Variants in B4GALT4 observed in about 807,000 individuals in gnomAD.
B4GALT4 encodes beta-1,4-galactosyltransferase 4, also known as N-acetyllactosamine synthase.
In B4GALT4, 27 loss-of-function variants were observed where a neutral mutation model predicts 37.3. The ratio of observed to expected loss-of-function variants is 0.72; its 90% CI spans 0.53 to 1.00. B4GALT4 has a LOEUF of 1.00. B4GALT4 is among the 50% of genes least tolerant of loss of function. The pLI is 0.00. For synonymous variants in B4GALT4, 148 were observed against 154.1 expected, an observed-to-expected ratio of 0.96 and a Z score of 0.29; for missense variants, 372 against 413.1, an observed-to-expected ratio of 0.90 and a Z score of 0.86.
chr3:119,218,563 G>T, intron 6 of B4GALT4, 87 bp downstream of exon 6: 1 of 1,561,158 alleles, frequency 6.4e-7, no homozygotes. Context: ...TGCTGGACTG[G>T]CATCTAAAGG....
chr3:119,220,975 G>A (rs2078433814), intron 5 of B4GALT4, among the ~76,000 whole-genome samples: 1 of 147,342 alleles, frequency 6.8e-6, no homozygotes, highest in Non-Finnish European at 1.5e-5. Flanking sequence ...AACAGAGTGA[G>A]ACTCTGTCTC....
In B4GALT4 at chr3:119,226,951, G is replaced by A; in HGVS notation, c.344C>T (p.Pro115Leu). The stretch of plus-strand genomic sequence containing the variant: ...CCTCTGTAAAGCTTTACATTCCTGA[G>A]GGCGATACCGGCCTCTGGACACTTT... The part of the protein sequence containing the change: ...NPKVSRGRYR[P>L]QECKALQRVA... Residue 115 changes from proline to leucine, a missense_variant, in exon 4 of 8, where the codon CCT becomes CTT. Physicochemically the swap from Pro to Leu is moderately conservative, Grantham distance 98. Coordinates refer to ENST00000393765, the MANE Select transcript of B4GALT4 (RefSeq NM_003778.4). The A allele has an allele frequency of 6.2e-7, 1 of 1,614,162 alleles. No individual in the cohort carries two copies. The highest frequency in any genetic ancestry group is 8.5e-7 in the Non-Finnish European group (1 of 1,180,032).
intron 3 of B4GALT4, among the ~76,000 whole-genome samples, chr3:119,229,177 G>C (rs909715757): frequency 2.6e-5 from 4 of 152,198 alleles, no homozygotes; most frequent in Admixed American, 6.5e-5. Context: ...GAATGTGCTT[G>C]CATTTCTCCT....
chr3:119,237,182 T>A (rs1161915870), intron 1 of B4GALT4, 112 bp from the exon 2 acceptor site: 1 of 152,224 alleles, frequency 6.6e-6, no homozygotes, highest in East Asian at 1.9e-4. Context: ...ATTGTGTACT[T>A]ATATGTGACT....
At chr3:119,222,412 G>C (rs2078475697) in intron 5 of B4GALT4, among the ~76,000 whole-genome samples, 1 of 123,168 alleles carries the variant, frequency 8.1e-6, no homozygotes, top group African/African-American at 2.7e-5. Flanking sequence ...TTCTCTCCTT[G>C]CCCTCTGGAT....
At chr3:119,214,182 A>AC (rs2078232612) in intron 7 of B4GALT4, 1 of 152,208 alleles carries the variant, frequency 6.6e-6, no homozygotes, top group Admixed American at 6.5e-5. Context: ...AGCCATGGTC[A>AC]CGCCACTGCA....
intron 6 of B4GALT4, 108 bp downstream of exon 6, chr3:119,218,542 G>A: frequency 6.7e-7 from 1 of 1,494,740 alleles, no homozygotes; most frequent in Non-Finnish European, 9.1e-7. Flanking sequence ...CAAATCTGCA[G>A]CCTAGTGACC....
chr3:119,212,811 A>T, intron 7 of B4GALT4, 130 bp from the exon 8 acceptor site: 1 of 947,684 alleles, frequency 1.1e-6, no homozygotes. Context: ...CTACCATTAC[A>T]AAGTTTGTTT....
chr3:119,229,324 A>G (rs12695382), intron 3 of B4GALT4, among the ~76,000 whole-genome samples: 16,511 of 152,276 alleles, frequency 0.11, 1,025 homozygotes, highest in East Asian at 0.24. Context: ...TGTGCTGCTA[A>G]ACTTTTGTGG....
At chr3:119,218,612 G>A (rs1415481054) in intron 6 of B4GALT4, 38 bp downstream of exon 6, 8 of 1,613,528 alleles carry the variant, frequency 5.0e-6, no homozygotes, top group Non-Finnish European at 6.8e-6. Flanking sequence ...CACACTGAGT[G>A]CAGAGCCCCG....
intron 5 of B4GALT4, among the ~76,000 whole-genome samples, chr3:119,223,697 GC>G (rs34606727): frequency 0.37 from 56,035 of 151,922 alleles, 11,110 homozygotes; most frequent in Non-Finnish European, 0.42. Context: ...CCAGCCTGTT[GC>G]CTCCTAGAGG....
At chr3:119,236,827 C>T (rs2078999732) in intron 2 of B4GALT4, 26 bp downstream of exon 2, 1 of 152,258 alleles carries the variant, frequency 6.6e-6, no homozygotes, top group East Asian at 1.9e-4. Flanking sequence ...CTAATATCAA[C>T]ACTTTTCTAA....
intron 2 of B4GALT4, among the ~76,000 whole-genome samples, chr3:119,233,590 A>G (rs1474760636): frequency 6.6e-6 from 1 of 152,096 alleles, no homozygotes. Context: ...CCTTCCATAT[A>G]CTGAGGGATG....
chr3:119,229,959 G>T lies in B4GALT4; in HGVS notation c.141C>A (p.Phe47Leu), dbSNP rs1053768969. Reference protein sequence around the residue: ...AIQEIPKAKEFMANFHKTLIL... With the variant: ...AIQEIPKAKELMANFHKTLIL... ...TGAGGGTCTTATGGAAATTAGCCATGAACTCCTTTGCTTTAGGAATCTCTT... is the reference window on the plus strand; with the variant it reads ...TGAGGGTCTTATGGAAATTAGCCATTAACTCCTTTGCTTTAGGAATCTCTT... The change falls in exon 3 of 8, where the codon TTC becomes TTA. Residue 47 changes from phenylalanine (F) to leucine (L), a missense_variant. Coordinates refer to ENST00000393765, the MANE Select transcript of B4GALT4 (RefSeq NM_003778.4). The T allele has an allele frequency of 1.4e-5, 23 of 1,614,150 alleles. No individual in the cohort carries two copies. The highest frequency in any genetic ancestry group is 1.8e-5 in the Non-Finnish European group (21 of 1,180,038).
At chr3:119,227,545 A>G (rs898010935) in intron 3 of B4GALT4, among the ~76,000 whole-genome samples, 3 of 152,170 alleles carry the variant, frequency 2.0e-5, no homozygotes, top group Non-Finnish European at 4.4e-5. Context: ...ACTAAAAAGA[A>G]GTAGAAACCA....
In B4GALT4 at chr3:119,226,878, G is replaced by T; in HGVS notation, c.417C>A (p.Tyr139Ter). ...GGAAGGGATGCAGATGTTCCAGCAGGTACATCAGGTGTTTCTCTCTGTTCC... is the reference window on the plus strand; with the variant it reads ...GGAAGGGATGCAGATGTTCCAGCAGTTACATCAGGTGTTTCTCTCTGTTCC... ...PHRNREKHLM[Y>*]LLEHLHPFLQ... Residue 139 changes from tyrosine (Y) to a stop codon, truncating the protein, a stop_gained, in exon 4 of 8, where the codon TAC becomes TAA. Coordinates refer to ENST00000393765, the MANE Select transcript of B4GALT4 (RefSeq NM_003778.4). LOFTEE classifies it high-confidence loss of function. 1 of 1,614,184 alleles carries T rather than the reference G, an allele frequency of 6.2e-7. No homozygotes were observed. Among genetic ancestry groups the T allele is most frequent in the Middle Eastern group, 1.6e-4 (1 of 6,062 alleles).
chr3:119,226,508 G>C (rs1213812134), intron 4 of B4GALT4: 3 of 392,660 alleles, frequency 7.6e-6, no homozygotes, highest in Non-Finnish European at 1.4e-5. Flanking sequence ...AAACAGAAGG[G>C]GCCAGGAAGC....
Position 119,229,831 on chromosome 3 carries a change from A to C in B4GALT4, c.253+16T>G. ...GTTTGCATACTACTTAATCAAAGGA[A>C]AAAAGCAACACTTACTGAGGTAAGG... On this transcript the variant is annotated intron_variant, in intron 3 of 7. Transcript: ENST00000393765. 1 of 1,610,410 alleles carries C rather than the reference A, an allele frequency of 6.2e-7. No individual in the cohort carries two copies. Among genetic ancestry groups the C allele is most frequent in the Non-Finnish European group, 8.5e-7 (1 of 1,178,084 alleles).
In B4GALT4 at chr3:119,230,020, C is replaced by G; in HGVS notation, c.80G>C (p.Gly27Ala). The change falls in exon 3 of 8, where the codon GGG becomes GCG. Residue 27 changes from glycine to alanine, a missense_variant. Physicochemically the swap from Gly to Ala is moderately conservative, Grantham distance 60. Coordinates refer to ENST00000393765, the MANE Select transcript of B4GALT4 (RefSeq NM_003778.4). Reference sequence around the variant, plus strand: ...CACGAAGTAGTTACTGGTGGCCCACCCAACCACTGTCAGGCACAAAGTCAA... The same window carrying G: ...CACGAAGTAGTTACTGGTGGCCCACGCAACCACTGTCAGGCACAAAGTCAA... ...LLLTLCLTVV[G>A]WATSNYFVGA... 6.2e-7 allele frequency: 1 copy of G among 1,614,142 alleles called. No individual in the cohort carries two copies. The highest frequency in any genetic ancestry group is 1.1e-5 in the South Asian group (1 of 91,078).
Sources: allele counts gnomAD v4.1 joint callset (sites outside exome capture counted in the v4.1 genomes callset), GRCh38; gene constraint gnomAD v4.1.1; transcripts MANE v1.5; gene names NCBI Gene and HGNC (gene_info 2026-07-23, HGNC 2026-07-21).